Variants in CNIH3 observed in about 807,000 individuals in gnomAD.
CNIH3 encodes cornichon family AMPA receptor auxiliary protein 3.
Under a neutral mutation model 24.1 loss-of-function variants are expected in CNIH3, and 14 were observed. That is an observed-to-expected ratio of 0.58 (90% confidence interval 0.38 to 0.91). The LOEUF (loss-of-function observed/expected upper bound fraction) is 0.91, where lower values mean the gene tolerates loss of function less well. CNIH3 is among the 40% of genes least tolerant of loss of function. CNIH3 has a pLI of 0.00. For missense variants in CNIH3, 178 were observed against 196.8 expected (o/e 0.90, Z 0.57); for synonymous variants, 68 against 73.8 (o/e 0.92, Z 0.40).
rs574724002 is a variant in CNIH3, at chr1:224,479,840, C to T, written n.204-35901C>T. ...CCTCCTGGCTGCTTTCATGGGCTGG[C>T]ATTAAGTGTCTGTGGCTTTTCCAGG... On this transcript the variant is annotated intron_variant and non_coding_transcript_variant, in intron 1 of 5. Transcript: ENST00000471578. 2.6e-5 allele frequency among the ~76,000 whole-genome samples: 4 copies of T among 152,320 alleles called. No homozygotes were observed. The South Asian group carries it at 8.3e-4, about 32-fold the overall frequency.
At chr1:224,720,913 G>GAAA (rs1434670722) in intron 3 of CNIH3, among the ~76,000 whole-genome samples, 26 of 152,284 alleles carry the variant, frequency 1.7e-4, no homozygotes, top group Non-Finnish European at 2.9e-4. Flanking sequence ...ATGAAAGGAT[G>GAAA]GCTCTGAGTG....
intron 4 of CNIH3, among the ~76,000 whole-genome samples, chr1:224,570,588 C>T (rs1056714586): frequency 2.0e-5 from 3 of 152,094 alleles, no homozygotes; most frequent in Non-Finnish European, 4.4e-5. Context: ...TTTGATACTA[C>T]CTCATTTGTA....
chr1:224,599,858 C>T (rs892971818), intron 3 of CNIH3, among the ~76,000 whole-genome samples: 1 of 152,118 alleles, frequency 6.6e-6, no homozygotes, highest in African/African-American at 2.4e-5. Context: ...AATGTTTACT[C>T]CCATTTCACA....
chr1:224,591,210 T>C (rs1681741771), downstream of CNIH3, among the ~76,000 whole-genome samples: 1 of 152,214 alleles, frequency 6.6e-6, no homozygotes, highest in Non-Finnish European at 1.5e-5. Context: ...CTTCTAGCTG[T>C]GGTTGAATGG....
At chr1:224,494,092 C>A (rs949524430) in intron 1 of CNIH3, among the ~76,000 whole-genome samples, 2 of 152,146 alleles carry the variant, frequency 1.3e-5, no homozygotes, top group South Asian at 2.1e-4. Flanking sequence ...CCACCAGGGT[C>A]GATTTTTAAA....
intron 4 of CNIH3, among the ~76,000 whole-genome samples, chr1:224,581,934 C>T (rs1358222436): frequency 1.3e-5 from 2 of 152,082 alleles, no homozygotes; most frequent in African/African-American, 4.8e-5. Flanking sequence ...ATCCTGGATG[C>T]CTTTTCACAT....
At chr1:224,496,141 AACT>A in intron 1 of CNIH3, among the ~76,000 whole-genome samples, 1 of 152,304 alleles carries the variant, frequency 6.6e-6, no homozygotes, top group South Asian at 2.1e-4. Context: ...GTTACTGAAC[AACT>A]ACATGTCGTT....
intron 1 of CNIH3, among the ~76,000 whole-genome samples, chr1:224,624,055 A>G (rs556075321): frequency 6.6e-6 from 1 of 151,994 alleles, no homozygotes; most frequent in East Asian, 1.9e-4. Flanking sequence ...TGCATCCACC[A>G]CTCAGAATTG....
chr1:224,698,738 C>T (rs967792283), intron 3 of CNIH3, among the ~76,000 whole-genome samples: 3 of 152,164 alleles, frequency 2.0e-5, no homozygotes, highest in African/African-American at 7.2e-5. Flanking sequence ...TTGTAAAAAG[C>T]GTGCTTTCCT....
chr1:224,668,062 A>C (rs965611261), intron 1 of CNIH3, among the ~76,000 whole-genome samples: 3 of 152,252 alleles, frequency 2.0e-5, no homozygotes, highest in Non-Finnish European at 2.9e-5. Flanking sequence ...AAAGATAGAC[A>C]TGAAACATAA....
intron 1 of CNIH3, chr1:224,459,095 G>A (rs780899524): frequency 3.8e-6 from 2 of 520,912 alleles, no homozygotes; most frequent in Non-Finnish European, 4.9e-6. Context: ...GACTCCAAAT[G>A]GCCAAACACC....
At chr1:224,620,751 G>C (rs1683239996) in intron 1 of CNIH3, among the ~76,000 whole-genome samples, 1 of 152,094 alleles carries the variant, frequency 6.6e-6, no homozygotes, top group Non-Finnish European at 1.5e-5. Context: ...CGTAATCCCA[G>C]CACTTTGGGA....
intron 3 of CNIH3, among the ~76,000 whole-genome samples, chr1:224,548,153 C>G (rs1414261077): frequency 2.0e-5 from 3 of 151,922 alleles, no homozygotes; most frequent in African/African-American, 7.3e-5. Flanking sequence ...GGTGCATACC[C>G]TCGGATATTT....
At chr1:224,670,858 C>T (rs1202346461) in intron 1 of CNIH3, among the ~76,000 whole-genome samples, 1 of 152,214 alleles carries the variant, frequency 6.6e-6, no homozygotes, top group Non-Finnish European at 1.5e-5. Context: ...TGTGACTTGG[C>T]TATGATGTCT....
intron 1 of CNIH3, among the ~76,000 whole-genome samples, chr1:224,659,509 G>A (rs1685245012): frequency 6.6e-6 from 1 of 150,962 alleles, no homozygotes; most frequent in South Asian, 2.1e-4. Flanking sequence ...TAGATAACCT[G>A]AAAGCCAAAC....
At chr1:224,457,511 A>AT (rs943521801) in intron 1 of CNIH3, among the ~76,000 whole-genome samples, 27,021 of 111,344 alleles carry the variant, frequency 0.24, 4,306 homozygotes, top group African/African-American at 0.43. Context: ...TGGTCTGGGG[A>AT]TTTTTTTTTT....
chr1:224,455,547 T>C (rs1414463550), intron 1 of CNIH3, among the ~76,000 whole-genome samples: 1 of 152,078 alleles, frequency 6.6e-6, no homozygotes, highest in Non-Finnish European at 1.5e-5. Flanking sequence ...AAACAGTGAG[T>C]TCAGTGCCCA....
Position 224,681,017 on chromosome 1 carries a change from T to C in CNIH3, c.141T>C (p.Pro47=). Residue 47 remains proline (P), a synonymous_variant, in exon 2 of 6, where the codon CCT becomes CCC. Coordinates refer to ENST00000272133, the MANE Select transcript of CNIH3 (RefSeq NM_152495.2). ...AGAGCCCCATAGACCAGTGCAATCC[T>C]GTTCATGCGGTAAGTGGCGGGTACT... ...DFKSPIDQCN[P]VHARERLRNI... 1 of 1,613,994 alleles carries C rather than the reference T, an allele frequency of 6.2e-7. No homozygotes were observed. Among genetic ancestry groups the C allele is most frequent in the Non-Finnish European group, 8.5e-7 (1 of 1,179,856 alleles).
chr1:224,479,543 T>C (rs775214902), intron 1 of CNIH3, among the ~76,000 whole-genome samples: 1 of 152,232 alleles, frequency 6.6e-6, no homozygotes, highest in African/African-American at 2.4e-5. Flanking sequence ...CTTCCACCTA[T>C]GAGCCTGTTA....
Sources: allele counts gnomAD v4.1 joint callset (sites outside exome capture counted in the v4.1 genomes callset), GRCh38; gene constraint gnomAD v4.1.1; transcripts MANE v1.5; gene names NCBI Gene and HGNC (gene_info 2026-07-23, HGNC 2026-07-21).